PPP4R3A: variants seen among roughly 807,000 people sequenced by gnomAD.
PPP4R3A encodes the protein protein phosphatase 4 regulatory subunit 3A.
In PPP4R3A, 15 loss-of-function variants were observed where a neutral mutation model predicts 91.7. The observed-to-expected ratio is 0.16, with a 90% CI of 0.11 to 0.25. The LOEUF (loss-of-function observed/expected upper bound fraction) is 0.25, where lower values mean the gene tolerates loss of function less well. Among genes scored for constraint, PPP4R3A ranks in the 10% least tolerant of loss-of-function variants. PPP4R3A has a pLI of 1.00. For missense variants in PPP4R3A, 623 were observed against 998.4 expected (o/e 0.62, Z 5.07); for synonymous variants, 377 against 348.7 (o/e 1.08, Z -0.91).
chr14:91,482,176 A>C lies in PPP4R3A; in HGVS notation c.315T>G (p.Pro105=). 1 of 1,605,400 alleles carries C rather than the reference A, an allele frequency of 6.2e-7. No homozygotes were observed. Among genetic ancestry groups the C allele is most frequent in the Non-Finnish European group, 8.5e-7 (1 of 1,176,648 alleles). ...EKICQVQGKD[P]SVDITQDLVD... ...CAAGGTCCTGAGTGATGTCCACGGA[A>C]GGGTCCTTTCCTTGAACCTATGAAA... The change falls in exon 4 of 15, where the codon CCT becomes CCG. Residue 105 remains proline (P), a synonymous_variant. Transcript: ENST00000554943.
At position 91,509,838 on chromosome 14, in the gene PPP4R3A, G is replaced by A; in HGVS notation, c.-191C>T. 8.6e-7 allele frequency: 1 copy of A among 1,167,954 alleles called. No individual in the cohort carries two copies. Among genetic ancestry groups the A allele is most frequent in the Non-Finnish European group, 1.1e-6 (1 of 949,630 alleles). 72.3% of individuals were successfully genotyped at this position (1,167,954 alleles called of 1,614,324 possible). On this transcript the variant is annotated 5_prime_UTR_variant, in exon 1 of 15. Transcript: ENST00000554943. ...TCCAGGGACCGAGCTCTGGGCCGCC[G>A]CCTTTCCTCGCCTCCGGCTCCCCGG...
Position 91,475,949 on chromosome 14 carries a change from C to A in PPP4R3A, c.1128G>T (p.Gln376His). The A allele has an allele frequency of 6.3e-7, 1 of 1,595,206 alleles. No individual in the cohort carries two copies. Among genetic ancestry groups the A allele is most frequent in the South Asian group, 1.2e-5 (1 of 86,918 alleles). Residue 376 changes from glutamine (Q) to histidine (H), a missense_variant, in exon 7 of 15, where the codon CAG (glutamine) becomes CAT (histidine). Transcript: ENST00000554943. ...LEVILGMDDT[Q>H]VRSAATDIFS... ...ATATATCAGTAGCAGCACTTCGCACCTGTGTATCATCCATGCCCTGCAGAC... is the reference window on the plus strand; with the variant it reads ...ATATATCAGTAGCAGCACTTCGCACATGTGTATCATCCATGCCCTGCAGAC...
chr14:91,488,585 T>C (rs1409183899), intron 2 of PPP4R3A, among the ~76,000 whole-genome samples: 1 of 152,168 alleles, frequency 6.6e-6, no homozygotes, highest in Non-Finnish European at 1.5e-5. Context: ...ACAGAACAAA[T>C]GGTAGAAGAA....
intron 11 of PPP4R3A, among the ~76,000 whole-genome samples, chr14:91,464,015 C>T (rs971398713): frequency 6.6e-6 from 1 of 152,132 alleles, no homozygotes; most frequent in Non-Finnish European, 1.5e-5. Flanking sequence ...ACACAACAGC[C>T]ATGCGTATTT....
chr14:91,495,311 T>TGC (rs1405934536), intron 1 of PPP4R3A, among the ~76,000 whole-genome samples: 3 of 146,230 alleles, frequency 2.1e-5, no homozygotes, highest in Non-Finnish European at 1.5e-5. Flanking sequence ...AATGTGTGTG[T>TGC]GTGTGTGTGT....
chr14:91,497,394 C>T (rs529102520), intron 1 of PPP4R3A, among the ~76,000 whole-genome samples: 3 of 151,366 alleles, frequency 2.0e-5, no homozygotes, highest in South Asian at 4.2e-4. Flanking sequence ...CCTTTTCCCA[C>T]ACATCTGAGA....
In PPP4R3A at chr14:91,485,736, G is replaced by A. The variant is rs756382146; in HGVS notation, c.199-6C>T. 6.3e-7 allele frequency: 1 copy of A among 1,594,394 alleles called. No individual in the cohort carries two copies. On this transcript the variant is annotated splice_polypyrimidine_tract_variant and splice_region_variant and intron_variant, in intron 2 of 14. Coordinates refer to ENST00000554943, the MANE Select transcript of PPP4R3A (RefSeq NM_001366432.2). Reference sequence around the variant, plus strand: ...GACCACACAATCAGAGTGTCCTTTGGAGACATAAAAGGAGTCTGAATGATT... The same window carrying A: ...GACCACACAATCAGAGTGTCCTTTGAAGACATAAAAGGAGTCTGAATGATT...
At chr14:91,463,337 T>C (rs1453067228) in intron 11 of PPP4R3A, among the ~76,000 whole-genome samples, 1 of 152,106 alleles carries the variant, frequency 6.6e-6, no homozygotes, top group Non-Finnish European at 1.5e-5. Context: ...AGTGCTGGGA[T>C]TACAGGTGCG....
At position 91,481,654 on chromosome 14, in the gene PPP4R3A, C is replaced by G; in HGVS notation, c.837G>C (p.Ser279=). Residue 279 remains serine, a synonymous_variant, in exon 4 of 15, where the codon TCG becomes TCC. Coordinates refer to ENST00000554943, the MANE Select transcript of PPP4R3A (RefSeq NM_001366432.2). ...YIQDMVLPTP[S]VFEENMLSTL... ...TTGATAACATGTTTTCTTCAAAGAC[C>G]GAAGGAGTTGGTAGAACCATATCTT... 6.2e-7 allele frequency: 1 copy of G among 1,609,582 alleles called. No individual in the cohort carries two copies. The highest frequency in any genetic ancestry group is 2.2e-5 in the East Asian group (1 of 44,806).
intron 1 of PPP4R3A, among the ~76,000 whole-genome samples, chr14:91,508,480 T>G (rs1395943137): frequency 6.6e-6 from 1 of 152,178 alleles, no homozygotes; most frequent in Non-Finnish European, 1.5e-5. Context: ...CTGCAAAATA[T>G]AAACTAATGT....
At chr14:91,476,552 A>G (rs1889219190) in intron 5 of PPP4R3A, 28 bp from the exon 6 acceptor site, 1 of 1,429,938 alleles carries the variant, frequency 7.0e-7, no homozygotes, top group Admixed American at 2.0e-5. Flanking sequence ...GATAAGTGAT[A>G]TAAAAAGTTT....
chr14:91,482,007 G>A lies in PPP4R3A; in HGVS notation c.484C>T (p.Leu162=), dbSNP rs777252492. The A allele has an allele frequency of 3.7e-6, 6 of 1,614,032 alleles. No homozygotes were observed. The South Asian group carries it at 6.6e-5, about 18-fold the overall frequency. ...ATATAACCCTCATTTTCTAGTGCCAGTGCAAGTTTTTCACGACGAAGAGGT... is the reference window on the plus strand; with the variant it reads ...ATATAACCCTCATTTTCTAGTGCCAATGCAAGTTTTTCACGACGAAGAGGT... ...PSPLRREKLA[L]ALENEGYIKK... The change falls in exon 4 of 15, where the codon CTG becomes TTG. Residue 162 remains leucine, a synonymous_variant. Coordinates refer to ENST00000554943, the MANE Select transcript of PPP4R3A (RefSeq NM_001366432.2).
intron 1 of PPP4R3A, among the ~76,000 whole-genome samples, chr14:91,500,012 A>G (rs1890841559): frequency 6.6e-6 from 1 of 152,180 alleles, no homozygotes; most frequent in African/African-American, 2.4e-5. Context: ...CAAAGTCTAC[A>G]TTACAGAGAA....
chr14:91,469,116 T>TATAAA (rs1888680189), intron 10 of PPP4R3A, among the ~76,000 whole-genome samples: 1 of 133,158 alleles, frequency 7.5e-6, no homozygotes, highest in Admixed American at 7.6e-5. Context: ...ATTTTTTCTG[T>TATAAA]AAAAAAAAAA....
chr14:91,470,073 A>G (rs1888746952), intron 10 of PPP4R3A, among the ~76,000 whole-genome samples: 1 of 152,066 alleles, frequency 6.6e-6, no homozygotes, highest in African/African-American at 2.4e-5. Flanking sequence ...AAACACTCAA[A>G]CTTACCTTTA....
At chr14:91,496,968 C>A (rs1436446024) in intron 1 of PPP4R3A, among the ~76,000 whole-genome samples, 1 of 152,164 alleles carries the variant, frequency 6.6e-6, no homozygotes, top group East Asian at 1.9e-4. Flanking sequence ...ACAATCCTTA[C>A]CCCCAACAAG....
At position 91,481,814 on chromosome 14, in the gene PPP4R3A, T is replaced by C; in HGVS notation, c.677A>G (p.Tyr226Cys). The C allele has an allele frequency of 6.2e-7, 1 of 1,614,158 alleles. No individual in the cohort carries two copies. The highest frequency in any genetic ancestry group is 8.5e-7 in the Non-Finnish European group (1 of 1,180,030). ...CIMDVIGCLE[Y>C]DPALSQPRKH... The stretch of plus-strand genomic sequence containing the variant: ...TCGTGGTTGTGATAAAGCAGGATCA[T>C]ATTCTAAACATCCAATGACGTCCAT... The change falls in exon 4 of 15, where the codon TAT becomes TGT. Residue 226 changes from tyrosine to cysteine, a missense_variant. Coordinates refer to ENST00000554943, the MANE Select transcript of PPP4R3A (RefSeq NM_001366432.2).
chr14:91,506,117 T>C (rs1472081826), intron 1 of PPP4R3A, among the ~76,000 whole-genome samples: 1 of 152,038 alleles, frequency 6.6e-6, no homozygotes, highest in Non-Finnish European at 1.5e-5. Flanking sequence ...GGCTACATTT[T>C]TGTATGTTTT....
intron 1 of PPP4R3A, among the ~76,000 whole-genome samples, chr14:91,509,250 C>G (rs1566662323): frequency 6.6e-6 from 1 of 152,184 alleles, no homozygotes; most frequent in Non-Finnish European, 1.5e-5. Flanking sequence ...CACTCCAGGG[C>G]GGCACAGCTC....
Sources: gnomAD v4.1 joint callset for allele counts (sites outside exome capture counted in the v4.1 genomes callset) on GRCh38, gnomAD v4.1.1 for gene constraint, MANE v1.5 for transcripts, NCBI Gene and HGNC (gene_info 2026-07-23, HGNC 2026-07-21) for gene names.